RAG1: variants seen among roughly 807,000 people sequenced by gnomAD.
RAG1 encodes V(D)J recombination-activating protein 1.
RAG1 carries 35 observed loss-of-function variants against 62.7 expected under a neutral mutation model. The ratio of observed to expected loss-of-function variants is 0.56; its 90% CI spans 0.43 to 0.74. The LOEUF (loss-of-function observed/expected upper bound fraction) is 0.74, where lower values mean the gene tolerates loss of function less well. Ranked by LOEUF, RAG1 falls within the 30% of genes least tolerant of loss-of-function variation. RAG1 has a pLI of 0.00. For synonymous variants in RAG1, 461 were observed against 470.3 expected (o/e 0.98, Z 0.26); for missense variants, 1,169 against 1,278.6 (o/e 0.91, Z 1.31).
chr11:36,543,448 C>G (rs1019425458), intron 3 of RAG1, among the ~76,000 whole-genome samples: 18 of 152,254 alleles, frequency 1.2e-4, no homozygotes, highest in African/African-American at 4.3e-4. Context: ...GGTTTGCTCA[C>G]TTTTCCAGGC....
intron 2 of RAG1, among the ~76,000 whole-genome samples, chr11:36,520,663 G>A (rs973913702): frequency 6.6e-5 from 10 of 152,154 alleles, no homozygotes; most frequent in African/African-American, 2.2e-4. Context: ...TATATAAAAG[G>A]GTTACAAACT....
chr11:36,575,070 A>G lies in RAG1; in HGVS notation c.1766A>G (p.Tyr589Cys). Residue 589 changes from tyrosine (Y) to cysteine (C), a missense_variant, in exon 2 of 2, where the codon TAC becomes TGC. Physicochemically the swap from Tyr to Cys is radical, Grantham distance 194 (BLOSUM62 -2). This residue lies in a region of RAG1 where 800 missense variants were observed against 943.3 expected (regional missense o/e 0.85). Transcript: ENST00000299440. This position sits in a 1 kb window ranked among gnomAD's most constrained non-coding sequence, Gnocchi z 4.1. ...EGMRSQDLDD[Y>C]LNGPFTVVVK... is the part of the protein sequence containing the mutation. Reference sequence around the variant, plus strand: ...ATGAGATCCCAAGACCTTGATGATTACCTGAATGGCCCCTTCACTGTGGTG... The same window carrying G: ...ATGAGATCCCAAGACCTTGATGATTGCCTGAATGGCCCCTTCACTGTGGTG... 3 of 1,614,130 alleles carry G rather than the reference A, an allele frequency of 1.9e-6. No homozygotes were observed. Among genetic ancestry groups the G allele is most frequent in the Non-Finnish European group, 2.5e-6 (3 of 1,180,018 alleles).
At chr11:36,545,334 A>T (rs574779153) in intron 3 of RAG1, among the ~76,000 whole-genome samples, 1 of 152,272 alleles carries the variant, frequency 6.6e-6, no homozygotes, top group South Asian at 2.1e-4. Flanking sequence ...AGTTAAGATT[A>T]AGGGAGGTTA....
At chr11:36,515,059 C>G (rs1859977902) in intron 1 of RAG1, among the ~76,000 whole-genome samples, 1 of 152,138 alleles carries the variant, frequency 6.6e-6, no homozygotes, top group Admixed American at 6.5e-5. Context: ...CCTGAGGGGA[C>G]ACAAAACTTT....
chr11:36,520,307 T>G (rs1860059063), intron 2 of RAG1: 1 of 152,214 alleles, frequency 6.6e-6, no homozygotes, highest in Non-Finnish European at 1.5e-5. Flanking sequence ...CTTGCTCTGT[T>G]GCCCAGGCTG....
chr11:36,572,139 G>A (rs959327536), intron 1 of RAG1, among the ~76,000 whole-genome samples: 2 of 152,108 alleles, frequency 1.3e-5, no homozygotes, highest in Non-Finnish European at 2.9e-5. Context: ...ATCAATTGAG[G>A]GAAAAACATA....
chr11:36,548,117 A>C (rs1247163790), intron 3 of RAG1, among the ~76,000 whole-genome samples: 1 of 152,218 alleles, frequency 6.6e-6, no homozygotes, highest in African/African-American at 2.4e-5. Context: ...TATTGATGGA[A>C]TGTATCTCAA....
intron 3 of RAG1, among the ~76,000 whole-genome samples, chr11:36,558,586 C>T (rs547203752): frequency 2.0e-5 from 3 of 152,202 alleles, no homozygotes; most frequent in African/African-American, 7.2e-5. Context: ...CGTAGTTACT[C>T]CTGCTTACTT....
At chr11:36,530,953 T>C (rs1860244037) in intron 2 of RAG1, among the ~76,000 whole-genome samples, 1 of 151,988 alleles carries the variant, frequency 6.6e-6, no homozygotes, top group Non-Finnish European at 1.5e-5. Flanking sequence ...CTCCTTTCAG[T>C]TTTTTCAGTT....
At chr11:36,551,638 G>A (rs1850486042) in intron 3 of RAG1, among the ~76,000 whole-genome samples, 1 of 138,070 alleles carries the variant, frequency 7.2e-6, no homozygotes, top group Admixed American at 7.3e-5. Context: ...CTAAGTTTTA[G>A]GGTACATGTG....
Position 36,576,808 on chromosome 11 carries a change from G to T in RAG1, c.*372G>T. ...AGGCCAGGAAAGAAATTGGTCTTGTGGTTTTCATTTTTTTCCCCCTTGATT... is the reference window on the plus strand; with the variant it reads ...AGGCCAGGAAAGAAATTGGTCTTGTTGTTTTCATTTTTTTCCCCCTTGATT... On this transcript the variant is annotated 3_prime_UTR_variant, in exon 2 of 2. Transcript: ENST00000299440. 1 of 237,700 alleles carries T rather than the reference G, an allele frequency of 4.2e-6. No individual in the cohort carries two copies. Among genetic ancestry groups the T allele is most frequent in the East Asian group, 1.0e-4 (1 of 10,028 alleles). 14.7% of individuals were successfully genotyped at this position (237,700 alleles called of 1,614,324 possible). A position where few individuals can be genotyped will look rare whatever the true frequency, so the allele number is the denominator to read the frequency against.
In RAG1 at chr11:36,530,506, T is replaced by C. The variant is rs188151108; in HGVS notation, n.429-5453T>C. Among the ~76,000 whole-genome samples, 292 of 152,096 alleles carry C rather than the reference T, an allele frequency of 1.9e-3. 7 individuals carry two copies. Among genetic ancestry groups the C allele is most frequent in the Admixed American group, 0.018 (272 of 15,252 alleles). ...TTATCACTGCTTTAGTTGTGTCCTA[T>C]GAGTTATAAGTTGTATTCTCATTTT... On this transcript the variant is annotated intron_variant and non_coding_transcript_variant, in intron 2 of 2. Coordinates refer to the RAG1 transcript ENST00000529126.
intron 3 of RAG1, among the ~76,000 whole-genome samples, chr11:36,561,637 AAGG>A (rs1850585575): frequency 6.6e-6 from 1 of 152,164 alleles, no homozygotes; most frequent in African/African-American, 2.4e-5. Flanking sequence ...ATAGAACAAA[AAGG>A]AGGAGGAAGG....
chr11:36,572,883 G>C (rs189996292), intron 1 of RAG1, among the ~76,000 whole-genome samples: 6 of 152,322 alleles, frequency 3.9e-5, no homozygotes, highest in Non-Finnish European at 7.3e-5. Flanking sequence ...CTAATACAAT[G>C]TGGAAAATAT....
intron 1 of RAG1, chr11:36,515,361 G>T (rs1859981741): frequency 6.6e-6 from 1 of 151,970 alleles, no homozygotes; most frequent in Non-Finnish European, 1.5e-5. Context: ...AGGTGCCTTG[G>T]ATCAAAATCT....
Position 36,573,519 on chromosome 11 carries a change from A to T in RAG1, c.215A>T (p.Gln72Leu). Residue 72 changes from glutamine (Q) to leucine (L), a missense_variant, in exon 2 of 2, where the codon CAG (glutamine) becomes CTG (leucine). Physicochemically the swap from Gln to Leu is moderately radical, Grantham distance 113. Transcript: ENST00000299440. ...GCAGTCCTGGACAAGGCTGATGGTC[A>T]GAAGCCAGTCCCAACTCAGCCATTG... ...SPAVLDKADG[Q>L]KPVPTQPLLK... is the part of the protein sequence containing the mutation. 1 of 1,614,248 alleles carries T rather than the reference A, an allele frequency of 6.2e-7. No homozygotes were observed. The highest frequency in any genetic ancestry group is 8.5e-7 in the Non-Finnish European group (1 of 1,180,050).
chr11:36,543,141 C>A (rs1311606896), intron 3 of RAG1, among the ~76,000 whole-genome samples: 1 of 152,164 alleles, frequency 6.6e-6, no homozygotes, highest in Non-Finnish European at 1.5e-5. Flanking sequence ...AGGGAACTGG[C>A]TAACATCCTC....
At position 36,521,668 on chromosome 11, in the gene RAG1, G is replaced by A. The variant is rs187829411; in HGVS notation, n.428+1439G>A. 2.6e-5 allele frequency among the ~76,000 whole-genome samples: 4 copies of A among 152,170 alleles called. No individual in the cohort carries two copies. In the South Asian group the frequency reaches 6.2e-4, roughly 24 times the overall value. On this transcript the variant is annotated intron_variant and non_coding_transcript_variant, in intron 2 of 2. Coordinates refer to the RAG1 transcript ENST00000529126. ...CTTTGGAACTAGATAACAGGGAGAG[G>A]TTGGAACAGCTTGGAGGGCTCAGAA...
chr11:36,549,555 C>T (rs1339100359), intron 3 of RAG1, among the ~76,000 whole-genome samples: 3 of 152,146 alleles, frequency 2.0e-5, no homozygotes, highest in Non-Finnish European at 4.4e-5. Context: ...CAAATGAAAA[C>T]CACAATAAGA....
Sources: allele counts gnomAD v4.1 joint callset (sites outside exome capture counted in the v4.1 genomes callset), GRCh38; gene constraint gnomAD v4.1.1; regional missense constraint gnomAD v4.1.1; non-coding constraint Gnocchi (gnomAD v3.1); transcripts MANE v1.5; gene names NCBI Gene and HGNC (gene_info 2026-07-23, HGNC 2026-07-21).